Variants in TAFA2 observed in about 807,000 individuals in gnomAD.
TAFA2 encodes chemokine-like protein TAFA-2.
In TAFA2, 7 loss-of-function variants were observed where a neutral mutation model predicts 18.8. The observed-to-expected ratio is 0.37, with a 90% CI of 0.21 to 0.70. The LOEUF is 0.70. Ranked by LOEUF, TAFA2 falls within the 30% of genes least tolerant of loss-of-function variation. The probability of loss-of-function intolerance (pLI) is 0.53; values close to 1 mark genes in which losing one functional copy is unlikely to be tolerated. For missense variants in TAFA2, 122 were observed against 158.1 expected, an observed-to-expected ratio of 0.77 and a Z score of 1.23; for synonymous variants, 60 against 54.2, an observed-to-expected ratio of 1.11 and a Z score of -0.47.
chr12:61,828,733 C>A (rs1311888569), intron 2 of TAFA2, among the ~76,000 whole-genome samples: 1 of 151,786 alleles, frequency 6.6e-6, no homozygotes, highest in African/African-American at 2.4e-5. Context: ...TATCAAGTTG[C>A]TTTTAATCAG....
chr12:61,966,824 T>A (rs1159484540), intron 1 of TAFA2, among the ~76,000 whole-genome samples: 3 of 151,900 alleles, frequency 2.0e-5, no homozygotes, highest in African/African-American at 7.2e-5. Flanking sequence ...TCTTTCTAAT[T>A]TTGAGGTGTT....
chr12:62,177,546 T>A (rs1017357572), intron 1 of TAFA2, among the ~76,000 whole-genome samples: 1 of 152,224 alleles, frequency 6.6e-6, no homozygotes, highest in African/African-American at 2.4e-5. Context: ...AGTACACTAA[T>A]GACTTCCAAA....
At chr12:61,825,184 T>C (rs780156514) in intron 2 of TAFA2, among the ~76,000 whole-genome samples, 1 of 151,962 alleles carries the variant, frequency 6.6e-6, no homozygotes, top group Non-Finnish European at 1.5e-5. Flanking sequence ...GTACAGAACA[T>C]AGTGTCAATT....
chr12:61,939,921 G>C (rs920335168), intron 1 of TAFA2, among the ~76,000 whole-genome samples: 2 of 152,168 alleles, frequency 1.3e-5, no homozygotes, highest in Non-Finnish European at 2.9e-5. Flanking sequence ...CAGCTTACCT[G>C]CTTCCACCTA....
At chr12:62,217,966 GTATTTATTTATTTATTTATT>G (rs68172819) in intron 1 of TAFA2, among the ~76,000 whole-genome samples, 8 of 127,516 alleles carry the variant, frequency 6.3e-5, no homozygotes, top group Admixed American at 1.5e-4. Context: ...TTTTATGTAT[GTATTTATTTATTTATTTATT>G]TATTTATTTA....
At chr12:62,042,834 C>A (rs2136762270) in intron 1 of TAFA2, among the ~76,000 whole-genome samples, 1 of 152,124 alleles carries the variant, frequency 6.6e-6, no homozygotes, top group East Asian at 1.9e-4. Flanking sequence ...TACATCCAGC[C>A]CAGTCTTAAA....
intron 1 of TAFA2, among the ~76,000 whole-genome samples, chr12:62,168,944 CT>C (rs2062458178): frequency 1.1e-5 from 1 of 87,392 alleles, no homozygotes; most frequent in Non-Finnish European, 2.3e-5. Flanking sequence ...CACTCACTCT[CT>C]ACACACACAC....
intron 2 of TAFA2, among the ~76,000 whole-genome samples, chr12:61,856,013 A>AT (rs1186767845): frequency 6.6e-6 from 1 of 152,086 alleles, no homozygotes; most frequent in African/African-American, 2.4e-5. Context: ...CACAAAACCC[A>AT]TGTCTATCTA....
At chr12:61,804,925 A>G (rs1453168270) in intron 2 of TAFA2, among the ~76,000 whole-genome samples, 1 of 152,016 alleles carries the variant, frequency 6.6e-6, no homozygotes, top group African/African-American at 2.4e-5. Context: ...AAAGTCACCT[A>G]TACCATTTCT....
intron 1 of TAFA2, among the ~76,000 whole-genome samples, chr12:62,221,043 GC>G (rs1355598242): frequency 6.6e-6 from 1 of 151,918 alleles, no homozygotes; most frequent in Non-Finnish European, 1.5e-5. Context: ...GGCGGAGCTT[GC>G]AGTGAGCCAA....
chr12:62,187,719 A>G (rs939264318), intron 1 of TAFA2, among the ~76,000 whole-genome samples: 2 of 152,132 alleles, frequency 1.3e-5, no homozygotes, highest in Admixed American at 6.5e-5. Flanking sequence ...TCTAAAAATT[A>G]CCCAATAAGT....
intron 2 of TAFA2, among the ~76,000 whole-genome samples, chr12:61,766,662 G>A (rs1259350936): frequency 1.3e-5 from 2 of 151,994 alleles, no homozygotes; most frequent in Non-Finnish European, 2.9e-5. Flanking sequence ...TGAATATCCA[G>A]CTTGAGACAC....
intron 1 of TAFA2, among the ~76,000 whole-genome samples, chr12:62,086,967 C>T (rs1868481861): frequency 6.6e-6 from 1 of 151,998 alleles, no homozygotes; most frequent in Admixed American, 6.6e-5. Context: ...AAAAAGGAAC[C>T]AATTCTGACA....
chr12:61,769,792 A>G (rs1414221227), intron 2 of TAFA2, among the ~76,000 whole-genome samples: 1 of 152,122 alleles, frequency 6.6e-6, no homozygotes, highest in Admixed American at 6.6e-5. Flanking sequence ...AATGAGAAGA[A>G]ATCAGAAAAA....
At chr12:61,754,745 C>T in intron 3 of TAFA2, 127 bp downstream of exon 3, 1 of 910,114 alleles carries the variant, frequency 1.1e-6, no homozygotes. Context: ...ATTCTAGTTT[C>T]AACTTATCAT....
In TAFA2 at chr12:61,880,810, C is replaced by A. The variant is rs532776324; in HGVS notation, c.-1-13384G>T. On this transcript the variant is annotated intron_variant, in intron 1 of 4. Transcript: ENST00000416284. Reference sequence around the variant, plus strand: ...GCCCCTCCCACCCTACTCCCCCCTGCAGCTGCCCCAGAGCCCATGAGAGAG... The same window carrying A: ...GCCCCTCCCACCCTACTCCCCCCTGAAGCTGCCCCAGAGCCCATGAGAGAG... The A allele has an allele frequency of 4.4e-3, 1,416 of 320,638 alleles. 11 individuals are homozygous for A. Among genetic ancestry groups the A allele is most frequent in the Non-Finnish European group, 6.5e-3 (1,068 of 163,124 alleles). 19.9% of individuals were successfully genotyped at this position (320,638 alleles called of 1,614,324 possible).
rs528888912 is a variant in TAFA2, at chr12:62,038,443, C to T, written c.-2+152816G>A. Among the ~76,000 whole-genome samples the T allele has an allele frequency of 2.6e-5, 4 of 152,146 alleles. No homozygotes were observed. The South Asian group carries it at 8.3e-4, about 32-fold the overall frequency. ...AAGAAAAGCATTACAATAAAAAATA[C>T]AAACTATAAAAACTATGTACATAGC... is the stretch of plus-strand genomic sequence containing the variant. On this transcript the variant is annotated intron_variant, in intron 1 of 4. Coordinates refer to ENST00000416284, the MANE Select transcript of TAFA2 (RefSeq NM_178539.5).
chr12:62,197,603 T>C (rs140934262), upstream of TAFA2, among the ~76,000 whole-genome samples: 283 of 152,306 alleles, frequency 1.9e-3, 1 homozygote, highest in African/African-American at 6.7e-3. Context: ...CCATTTATAA[T>C]CCATATCTTC....
intron 2 of TAFA2, among the ~76,000 whole-genome samples, chr12:61,840,706 C>G (rs766987407): frequency 3.3e-5 from 5 of 151,928 alleles, no homozygotes; most frequent in African/African-American, 4.8e-5. Flanking sequence ...TTTTCATGAC[C>G]AGCCTATTAA....
Sources: gnomAD v4.1 joint callset for allele counts (sites outside exome capture counted in the v4.1 genomes callset) on GRCh38, gnomAD v4.1.1 for gene constraint, MANE v1.5 for transcripts, NCBI Gene and HGNC (gene_info 2026-07-23, HGNC 2026-07-21) for gene names.